The following DPP6 variants were observed in gnomAD, a reference collection of about 807,000 sequenced individuals.
The protein encoded by DPP6 is A-type potassium channel modulatory protein DPP6.
In DPP6, 69 loss-of-function variants were observed where a neutral mutation model predicts 122.6. That is an observed-to-expected ratio of 0.56 (90% CI 0.46 to 0.69). The LOEUF is 0.69. Among genes scored for constraint, DPP6 ranks in the 30% least tolerant of loss-of-function variants. The pLI, the probability that DPP6 is intolerant of heterozygous loss-of-function variation, is 0.00. For synonymous variants in DPP6, 418 were observed against 433.1 expected, an observed-to-expected ratio of 0.97 and a Z score of 0.43; for missense variants, 928 against 1,116.9, an observed-to-expected ratio of 0.83 and a Z score of 2.41.
intron 1 of DPP6, among the ~76,000 whole-genome samples, chr7:154,054,331 T>A (rs990531225): frequency 5.3e-5 from 8 of 152,146 alleles, no homozygotes; most frequent in Admixed American, 2.0e-4. Context: ...GGGTGAGACA[T>A]TGAGTGATTT....
In DPP6 at chr7:154,419,536, G is replaced by A. The variant is rs1468901276; in HGVS notation, c.244-26678G>A. Among the ~76,000 whole-genome samples, 5 of 152,198 alleles carry A rather than the reference G, an allele frequency of 3.3e-5. No individual in the cohort carries two copies. In the East Asian group the frequency reaches 7.7e-4, roughly 24 times the overall value. The stretch of plus-strand genomic sequence containing the variant: ...CATTTGCATTTGCGGGGAGAGGCGT[G>A]CCTGCTGTTGTGCACTTCACCAGCG... On this transcript the variant is annotated intron_variant, in intron 1 of 25. Transcript: ENST00000377770.
intron 5 of DPP6, chr7:154,587,517 G>A (rs76919868): frequency 0.014 from 12,431 of 913,318 alleles, 110 homozygotes; most frequent in Non-Finnish European, 0.016. Flanking sequence ...TCTGCTTGAA[G>A]ACCCAATGTG....
intron 5 of DPP6, among the ~76,000 whole-genome samples, chr7:154,585,001 A>G (rs1397594243): frequency 1.3e-5 from 2 of 152,182 alleles, no homozygotes; most frequent in Non-Finnish European, 2.9e-5. Flanking sequence ...TTTTGTAACC[A>G]TCACCACAAA....
At chr7:154,131,096 G>A (rs1795257698) in intron 1 of DPP6, among the ~76,000 whole-genome samples, 1 of 152,132 alleles carries the variant, frequency 6.6e-6, no homozygotes, top group Admixed American at 6.5e-5. Flanking sequence ...TGGGGAGAGG[G>A]TGGGTTAGAT....
chr7:154,150,784 C>T (rs1467009491), intron 1 of DPP6, among the ~76,000 whole-genome samples: 2 of 152,194 alleles, frequency 1.3e-5, no homozygotes, highest in African/African-American at 2.4e-5. Flanking sequence ...CATGCAGACG[C>T]GGACTCTGAG....
Position 154,522,632 on chromosome 7 carries a change from A to G in DPP6, c.458-17900A>G, listed in dbSNP as rs577388724. ...GAAAGAAACCTTTGTACCTCTTTGG[A>G]GCCCACATTGCCTTCCTCTGACAAT... On this transcript the variant is annotated intron_variant, in intron 3 of 25. Coordinates refer to ENST00000377770, the MANE Select transcript of DPP6 (RefSeq NM_130797.4). Among the ~76,000 whole-genome samples the G allele has an allele frequency of 2.0e-5, 3 of 152,276 alleles. No homozygotes were observed. In the Middle Eastern group the frequency reaches 0.01, roughly 518 times the overall value.
chr7:154,621,621 C>T (rs1005979021), intron 5 of DPP6, among the ~76,000 whole-genome samples: 1 of 152,202 alleles, frequency 6.6e-6, no homozygotes, highest in Non-Finnish European at 1.5e-5. Context: ...CCCACCTTGG[C>T]CTCCCAAAGT....
intron 5 of DPP6, chr7:154,587,347 C>A (rs1033975493): frequency 4.6e-5 from 20 of 434,152 alleles, no homozygotes; most frequent in Non-Finnish European, 5.4e-5. Context: ...TTCCTCCCCC[C>A]AACCATTCCC....
chr7:154,122,627 C>A (rs1221806889), intron 1 of DPP6, among the ~76,000 whole-genome samples: 4 of 152,196 alleles, frequency 2.6e-5, no homozygotes, highest in African/African-American at 9.6e-5. Flanking sequence ...TAATTGGCAA[C>A]AATATCTTGA....
intron 1 of DPP6, among the ~76,000 whole-genome samples, chr7:154,433,752 G>A (rs915100883): frequency 6.6e-6 from 1 of 152,132 alleles, no homozygotes; most frequent in African/African-American, 2.4e-5. Flanking sequence ...CATTATATCT[G>A]GAGGCAGTAA....
the DPP6 span, among the ~76,000 whole-genome samples, chr7:153,772,714 T>C: frequency 2.0e-5 from 3 of 149,012 alleles, no homozygotes; most frequent in Non-Finnish European, 4.5e-5. Context: ...ATAAGCTCTT[T>C]TTGAGAAATC....
intron 6 of DPP6, among the ~76,000 whole-genome samples, chr7:154,646,155 A>G (rs1836467966): frequency 6.6e-6 from 1 of 151,898 alleles, no homozygotes; most frequent in Admixed American, 6.6e-5. Context: ...CAGAAAATAA[A>G]TCTCATACTC....
At chr7:154,570,076 C>T (rs1831018259) in intron 5 of DPP6, among the ~76,000 whole-genome samples, 1 of 151,796 alleles carries the variant, frequency 6.6e-6, no homozygotes, top group African/African-American at 2.4e-5. Flanking sequence ...AGGCTCTATC[C>T]AATTTCATTG....
intron 1 of DPP6, among the ~76,000 whole-genome samples, chr7:154,078,586 G>A (rs1803741827): frequency 6.6e-6 from 1 of 152,146 alleles, no homozygotes; most frequent in Non-Finnish European, 1.5e-5. Flanking sequence ...AAAGCACTTA[G>A]TGAAGGAAAT....
chr7:154,839,770 A>C (rs916049825), intron 16 of DPP6, among the ~76,000 whole-genome samples: 1 of 152,140 alleles, frequency 6.6e-6, no homozygotes, highest in Non-Finnish European at 1.5e-5. Flanking sequence ...CCCACGCAGG[A>C]ACGAGGAGTC....
At chr7:154,200,530 AAC>A (rs1799118642) in intron 1 of DPP6, among the ~76,000 whole-genome samples, 1 of 152,142 alleles carries the variant, frequency 6.6e-6, no homozygotes, top group Non-Finnish European at 1.5e-5. Flanking sequence ...GGCATTTGCT[AAC>A]ACAAATGCTA....
In DPP6 at chr7:154,889,274, G is replaced by T; in HGVS notation, c.2307G>T (p.Met769Ile). 6.2e-7 allele frequency: 1 copy of T among 1,612,676 alleles called. No individual in the cohort carries two copies. The highest frequency in any genetic ancestry group is 1.1e-5 in the South Asian group (1 of 90,484). Residue 769 changes from methionine (M) to isoleucine (I), a missense_variant and splice_region_variant, in exon 24 of 26, where the codon ATG becomes ATT. By Grantham distance (10) the Met-to-Ile change is conservative. Coordinates refer to ENST00000377770, the MANE Select transcript of DPP6 (RefSeq NM_130797.4). ...TCCCCTTGCCCCCGCATGTGCAGAT[G>T]ACCAAGGTAGCCCATCGAGTCTCCG... ...LHGLDNRAYEMTKVAHRVSAL... is the reference protein window; with the variant it reads ...LHGLDNRAYEITKVAHRVSAL...
chr7:153,838,996 C>A, the DPP6 span, among the ~76,000 whole-genome samples: 1 of 152,102 alleles, frequency 6.6e-6, no homozygotes, highest in South Asian at 2.1e-4. Flanking sequence ...AAACTGATTG[C>A]TGGACCCACC....
At position 154,142,406 on chromosome 7, in the gene DPP6, A is replaced by G. The variant is rs146846963; in HGVS notation, c.243+89343A>G. On this transcript the variant is annotated intron_variant, in intron 1 of 25. Transcript: ENST00000377770. ...CACAAATATAAATAAACACAGTTCC[A>G]TGTTTACTGTTTATAATACGTCCCC... Among the ~76,000 whole-genome samples the G allele has an allele frequency of 8.0e-3, 1,224 of 152,284 alleles. 14 individuals carry two copies. Among genetic ancestry groups the G allele is most frequent in the African/African-American group, 0.027 (1,136 of 41,534 alleles).
Sources: allele counts gnomAD v4.1 joint callset (sites outside exome capture counted in the v4.1 genomes callset), GRCh38; gene constraint gnomAD v4.1.1; transcripts MANE v1.5; gene names NCBI Gene and HGNC (gene_info 2026-07-23, HGNC 2026-07-21).